TMEM120B: variants seen among roughly 807,000 people sequenced by gnomAD.
TMEM120B encodes the protein transmembrane protein 120B.
A neutral mutation model predicts 55.5 loss-of-function variants in TMEM120B; 31 were observed. The observed-to-expected ratio is 0.56, with a 90% confidence interval of 0.42 to 0.75. The LOEUF is 0.75. Ranked by LOEUF, TMEM120B falls within the 30% of genes least tolerant of loss-of-function variation. The pLI is 0.00. For missense variants in TMEM120B, 399 were observed against 425.5 expected (o/e 0.94, Z 0.55); for synonymous variants, 203 against 176.3 (o/e 1.15, Z -1.20).
intron 5 of TMEM120B, among the ~76,000 whole-genome samples, chr12:121,756,886 G>A (rs1873490283): frequency 6.6e-6 from 1 of 152,204 alleles, no homozygotes; most frequent in African/African-American, 2.4e-5. Context: ...GGGCAAGTCA[G>A]TTGTTCTCCT....
At chr12:121,763,810 C>T (rs1461874159) in intron 6 of TMEM120B, among the ~76,000 whole-genome samples, 1 of 152,192 alleles carries the variant, frequency 6.6e-6, no homozygotes, top group East Asian at 1.9e-4. Flanking sequence ...CCTCCTTCCT[C>T]CTGGGAACTA....
intron 1 of TMEM120B, among the ~76,000 whole-genome samples, chr12:121,715,667 G>T (rs527844805): frequency 1.9e-4 from 29 of 152,166 alleles, no homozygotes; most frequent in African/African-American, 6.3e-4. Flanking sequence ...GGCTTTGGTG[G>T]TCACCTGCTG....
At chr12:121,729,780 C>T (rs1015540163) in intron 1 of TMEM120B, among the ~76,000 whole-genome samples, 2 of 152,088 alleles carry the variant, frequency 1.3e-5, no homozygotes, top group South Asian at 2.1e-4. Context: ...GCCTGGGCGA[C>T]AGAGAGCGAT....
intron 6 of TMEM120B, 70 bp downstream of exon 6, chr12:121,761,808 T>G: frequency 8.0e-7 from 1 of 1,255,126 alleles, no homozygotes; most frequent in South Asian, 1.2e-5. Context: ...GGGCGTCAGA[T>G]GGGGGCCGAC....
intron 5 of TMEM120B, among the ~76,000 whole-genome samples, chr12:121,760,260 G>C (rs1371469342): frequency 6.6e-6 from 1 of 151,580 alleles, no homozygotes; most frequent in Non-Finnish European, 1.5e-5. Flanking sequence ...CCAAGATTGC[G>C]CCACTGCACT....
At chr12:121,758,095 ACT>A (rs1251399056) in intron 5 of TMEM120B, 7 of 920,364 alleles carry the variant, frequency 7.6e-6, no homozygotes, top group African/African-American at 1.8e-5. Context: ...CTCCAGCCTG[ACT>A]CTAAAAACAG....
intron 1 of TMEM120B, among the ~76,000 whole-genome samples, chr12:121,731,622 ATC>A (rs1480232671): frequency 7.2e-5 from 11 of 152,336 alleles, no homozygotes; most frequent in African/African-American, 2.4e-4. Flanking sequence ...AGTCTATACC[ATC>A]CAGGTTTCTG....
intron 6 of TMEM120B, among the ~76,000 whole-genome samples, chr12:121,765,052 C>T (rs1873802691): frequency 6.6e-6 from 1 of 151,970 alleles, no homozygotes; most frequent in South Asian, 2.1e-4. Flanking sequence ...AAACACTGAA[C>T]TAAGGACTCC....
At chr12:121,755,165 C>T (rs1420950808) in intron 5 of TMEM120B, among the ~76,000 whole-genome samples, 2 of 152,186 alleles carry the variant, frequency 1.3e-5, no homozygotes, top group Admixed American at 1.3e-4. Context: ...TCCTCTTGCC[C>T]CTCTTGGGAT....
intron 1 of TMEM120B, among the ~76,000 whole-genome samples, chr12:121,742,472 C>A (rs903002544): frequency 6.6e-6 from 1 of 152,150 alleles, no homozygotes; most frequent in Admixed American, 6.6e-5. Context: ...GTTGGCTTAT[C>A]GTTGCTTTGT....
chr12:121,770,809 T>G, intron 6 of TMEM120B, 98 bp from the exon 7 acceptor site: 2 of 1,116,194 alleles, frequency 1.8e-6, no homozygotes, highest in Non-Finnish European at 1.4e-6. Flanking sequence ...CGTCTCTGAG[T>G]GCAGAGTAAC....
chr12:121,726,585 A>AT lies in TMEM120B; in HGVS notation c.69+13621_69+13622insT, dbSNP rs1489499543. Among the ~76,000 whole-genome samples, 24 of 149,610 alleles carry AT rather than the reference A, an allele frequency of 1.6e-4. 1 individual carries two copies. Among genetic ancestry groups the AT allele is most frequent in the African/African-American group, 5.5e-4 (22 of 40,264 alleles). ...CAGAGCGAGACTCTGTCTCAAAAAAAAAAATAAAATAAAATAATAATAATA... is the reference window on the plus strand; with the variant it reads ...CAGAGCGAGACTCTGTCTCAAAAAAATAAAATAAAATAAAATAATAATAATA... On this transcript the variant is annotated intron_variant, in intron 1 of 11. Coordinates refer to ENST00000449592, the MANE Select transcript of TMEM120B (RefSeq NM_001080825.2).
At chr12:121,756,113 T>C (rs1236946426) in intron 5 of TMEM120B, among the ~76,000 whole-genome samples, 1 of 152,192 alleles carries the variant, frequency 6.6e-6, no homozygotes, top group Non-Finnish European at 1.5e-5. Flanking sequence ...TGCCTAGTGC[T>C]GAATAATGAT....
At position 121,712,934 on chromosome 12, in the gene TMEM120B, C is replaced by T. The variant is rs1316468521; in HGVS notation, c.39C>T (p.His13=). 8 of 1,536,818 alleles carry T rather than the reference C, an allele frequency of 5.2e-6. No homozygotes were observed. The East Asian group carries it at 1.9e-4, about 36-fold the overall frequency. ...GQLERCEREW[H]ELEGEFQELQ... ...TGGAGCGTTGCGAGCGCGAATGGCA[C>T]GAGCTGGAGGGAGAATTTCAAGAAC... Residue 13 remains histidine, a synonymous_variant, in exon 1 of 12, where the codon CAC becomes CAT. Transcript: ENST00000449592.
intron 2 of TMEM120B, among the ~76,000 whole-genome samples, chr12:121,746,080 C>T (rs535359987): frequency 3.9e-5 from 6 of 151,918 alleles, no homozygotes; most frequent in Non-Finnish European, 8.8e-5. Context: ...AGGCTGGTCT[C>T]GAACTCCTGA....
At chr12:121,745,672 G>T (rs1004379329) in intron 2 of TMEM120B, among the ~76,000 whole-genome samples, 15 of 151,140 alleles carry the variant, frequency 9.9e-5, no homozygotes, top group Non-Finnish European at 2.1e-4. Context: ...GATTACAGGT[G>T]TGAGCCACCA....
chr12:121,769,523 T>C (rs1873959430), intron 6 of TMEM120B, among the ~76,000 whole-genome samples: 1 of 151,410 alleles, frequency 6.6e-6, no homozygotes, highest in African/African-American at 2.4e-5. Flanking sequence ...CGGGGCAACA[T>C]AGCAAGACCC....
chr12:121,725,459 C>T (rs1217319164), intron 1 of TMEM120B, among the ~76,000 whole-genome samples: 6 of 152,242 alleles, frequency 3.9e-5, no homozygotes, highest in South Asian at 2.1e-4. Flanking sequence ...CCATATGACC[C>T]AGCAATTCCA....
At chr12:121,738,536 T>C (rs922549806) in intron 1 of TMEM120B, among the ~76,000 whole-genome samples, 3 of 152,154 alleles carry the variant, frequency 2.0e-5, no homozygotes, top group African/African-American at 7.2e-5. Context: ...TCTCTCCACC[T>C]CTGTCCTCCT....
Sources: gnomAD v4.1 joint callset for allele counts (sites outside exome capture counted in the v4.1 genomes callset) on GRCh38, gnomAD v4.1.1 for gene constraint, MANE v1.5 for transcripts, NCBI Gene and HGNC (gene_info 2026-07-23, HGNC 2026-07-21) for gene names.